SLC23A2: variants seen among roughly 807,000 people sequenced by gnomAD.
SLC23A2 encodes the protein Na(+)/L-ascorbic acid transporter 2.
Under a neutral mutation model 73.3 loss-of-function variants are expected in SLC23A2, and 36 were observed. That is an observed-to-expected ratio of 0.49 (90% CI 0.38 to 0.65). SLC23A2 has a LOEUF of 0.65. Among genes scored for constraint, SLC23A2 ranks in the 30% least tolerant of loss-of-function variants. The pLI, the probability that SLC23A2 is intolerant of heterozygous loss-of-function variation, is 0.00. For synonymous variants in SLC23A2, 343 were observed against 327.3 expected (o/e 1.05, Z -0.52); for missense variants, 507 against 841.6 (o/e 0.60, Z 4.92).
At chr20:5,005,111 C>T (rs6107564), upstream of SLC23A2, among the ~76,000 whole-genome samples, 885 of 151,490 alleles carry the variant, frequency 5.8e-3, 8 homozygotes, top group African/African-American at 0.02. Context: ...TCTCTAGTCT[C>T]GGCTTCTTTT....
intron 1 of SLC23A2, among the ~76,000 whole-genome samples, chr20:4,972,698 G>A (rs2087582904): frequency 6.6e-6 from 1 of 152,022 alleles, no homozygotes; most frequent in Non-Finnish European, 1.5e-5. Context: ...CGATTCTCTT[G>A]CCTCAGCCTC....
intron 2 of SLC23A2, among the ~76,000 whole-genome samples, chr20:4,966,545 T>C (rs2087478111): frequency 6.6e-6 from 1 of 152,130 alleles, no homozygotes; most frequent in Non-Finnish European, 1.5e-5. Context: ...AATGCAAATA[T>C]CTCATTAATA....
intron 6 of SLC23A2, among the ~76,000 whole-genome samples, chr20:4,887,243 G>A (rs1394633025): frequency 6.6e-6 from 1 of 152,214 alleles, no homozygotes; most frequent in African/African-American, 2.4e-5. Flanking sequence ...AAGGACACCT[G>A]AAGTGGGAAT....
chr20:4,955,577 T>A (rs1362368994), intron 2 of SLC23A2, among the ~76,000 whole-genome samples: 1 of 152,058 alleles, frequency 6.6e-6, no homozygotes, highest in Admixed American at 6.6e-5. Context: ...ACACTTGACC[T>A]CAGGGGCTCG....
intron 2 of SLC23A2, among the ~76,000 whole-genome samples, chr20:4,955,329 C>T (rs543460788): frequency 6.7e-6 from 1 of 149,564 alleles, no homozygotes; most frequent in African/African-American, 2.4e-5. Context: ...ATAGGTAATG[C>T]ATCTGTCTAC....
rs769565937 is a variant in SLC23A2, at chr20:4,912,903, T to C, written c.184A>G (p.Thr62Ala). ...ACCTTTTCTGCAATGCCGTTTTCCGTAGTGTAGATCGCCATGAGCTCAGTG... is the reference window on the plus strand; with the variant it reads ...ACCTTTTCTGCAATGCCGTTTTCCGCAGTGTAGATCGCCATGAGCTCAGTG... Reference protein sequence around the residue: ...EDTELMAIYTTENGIAEKSSL... With the variant: ...EDTELMAIYTAENGIAEKSSL... Residue 62 changes from threonine to alanine, a missense_variant, in exon 4 of 17, where the codon ACG becomes GCG. Around this residue, in one of 5 missense-constraint regions of SLC23A2, gnomAD observed 78 missense variants for 86.7 expected, o/e 0.90. Transcript: ENST00000338244. 1.9e-6 allele frequency: 3 copies of C among 1,612,724 alleles called. No homozygotes were observed. Among genetic ancestry groups the C allele is most frequent in the Non-Finnish European group, 2.5e-6 (3 of 1,178,836 alleles).
chr20:4,979,857 T>C (rs1042086908), intron 1 of SLC23A2, among the ~76,000 whole-genome samples: 3 of 152,080 alleles, frequency 2.0e-5, no homozygotes, highest in Non-Finnish European at 1.5e-5. Context: ...CAATACATCA[T>C]AAAATTACCA....
rs1929582873 is a variant in SLC23A2, at chr20:4,853,017, G to A, written c.*3955C>T. ...GGGTTCTGACTGCAGGAGGGGCAGA[G>A]GGTGGTCGATGTCCTAGTCCCTGTG... On this transcript the variant is annotated 3_prime_UTR_variant, in exon 17 of 17. Coordinates refer to ENST00000338244, the MANE Select transcript of SLC23A2 (RefSeq NM_005116.6). The A allele has an allele frequency of 1.3e-5, 2 of 152,482 alleles. No homozygotes were observed. Among genetic ancestry groups the A allele is most frequent in the African/African-American group, 4.8e-5 (2 of 41,480 alleles). The allele number at this position is 152,482 out of a possible 1,614,324, so 9.4% of individuals were successfully genotyped here.
At position 4,855,167 on chromosome 20, in the gene SLC23A2, G is replaced by T. The variant is rs544469775; in HGVS notation, c.*1805C>A. 6.6e-6 allele frequency: 1 copy of T among 152,612 alleles called. No homozygotes were observed. Among genetic ancestry groups the T allele is most frequent in the Non-Finnish European group, 1.5e-5 (1 of 68,040 alleles). The allele number at this position is 152,612 out of a possible 1,614,324, so 9.5% of individuals were successfully genotyped here. On this transcript the variant is annotated 3_prime_UTR_variant, in exon 17 of 17. Transcript: ENST00000338244. ...CAAAACAATGCAGTGGCTCCGAGGT[G>T]TTCTTGCCAGAATAAACCTTGAAGC...
At chr20:4,859,871 A>G (rs768972314) in intron 15 of SLC23A2, among the ~76,000 whole-genome samples, 2 of 152,238 alleles carry the variant, frequency 1.3e-5, no homozygotes, top group Non-Finnish European at 2.9e-5. Flanking sequence ...ATTTATAAAG[A>G]TGTCCTCCCA....
chr20:4,905,472 G>T (rs1266953567), intron 4 of SLC23A2, among the ~76,000 whole-genome samples: 1 of 152,130 alleles, frequency 6.6e-6, no homozygotes, highest in Non-Finnish European at 1.5e-5. Flanking sequence ...CTCTAATAAG[G>T]TTTCTGTAAA....
chr20:4,973,520 G>A (rs1057354062), intron 1 of SLC23A2, among the ~76,000 whole-genome samples: 2 of 152,226 alleles, frequency 1.3e-5, no homozygotes, highest in African/African-American at 4.8e-5. Context: ...TGGGTCAGAG[G>A]TTTTAATACT....
intron 9 of SLC23A2, among the ~76,000 whole-genome samples, chr20:4,882,794 T>A (rs1283352233): frequency 6.6e-6 from 1 of 152,246 alleles, no homozygotes; most frequent in Non-Finnish European, 1.5e-5. Flanking sequence ...TACCACCTGT[T>A]ATTAAATAAC....
intron 2 of SLC23A2, among the ~76,000 whole-genome samples, chr20:4,943,447 C>G (rs749697159): frequency 1.4e-4 from 21 of 151,706 alleles, no homozygotes; most frequent in Non-Finnish European, 1.9e-4. Context: ...GCAGGCGGAT[C>G]GCTTGAGCCC....
intron 3 of SLC23A2, among the ~76,000 whole-genome samples, chr20:4,929,863 A>G (rs1035178151): frequency 2.6e-5 from 4 of 152,202 alleles, no homozygotes; most frequent in Admixed American, 2.6e-4. Flanking sequence ...AGAAATGAGG[A>G]CAGGCTGGAA....
intron 2 of SLC23A2, among the ~76,000 whole-genome samples, chr20:4,966,204 C>T (rs901403225): frequency 1.3e-5 from 2 of 152,068 alleles, no homozygotes; most frequent in African/African-American, 4.8e-5. Context: ...GTGCATTTTC[C>T]AGGCAACAGA....
At chr20:4,910,806 C>T (rs1932115170) in intron 4 of SLC23A2, among the ~76,000 whole-genome samples, 1 of 151,942 alleles carries the variant, frequency 6.6e-6, no homozygotes, top group African/African-American at 2.4e-5. Context: ...AGAAAAATGG[C>T]CAGGAAAATA....
At chr20:4,900,082 G>C (rs376336864) in intron 5 of SLC23A2, among the ~76,000 whole-genome samples, 3 of 151,920 alleles carry the variant, frequency 2.0e-5, no homozygotes, top group East Asian at 3.9e-4. Context: ...TGTTGGCAAA[G>C]CTGGTGTCAA....
chr20:4,926,607 T>C (rs1021655871), intron 3 of SLC23A2, among the ~76,000 whole-genome samples: 4 of 151,740 alleles, frequency 2.6e-5, no homozygotes, highest in African/African-American at 9.7e-5. Flanking sequence ...CATAAGAATT[T>C]GCCTAACTAG....
Sources: allele counts gnomAD v4.1 joint callset (sites outside exome capture counted in the v4.1 genomes callset), GRCh38; gene constraint gnomAD v4.1.1; regional missense constraint gnomAD v4.1.1; transcripts MANE v1.5; gene names NCBI Gene and HGNC (gene_info 2026-07-23, HGNC 2026-07-21).